The following PTPN9 variants were observed in gnomAD, a reference collection of about 807,000 sequenced individuals.
PTPN9 encodes tyrosine-protein phosphatase non-receptor type 9.
In PTPN9, 26 loss-of-function variants were observed where a neutral mutation model predicts 69.8. That is an observed-to-expected ratio of 0.37 (90% confidence interval 0.27 to 0.52). The LOEUF is 0.52. Among genes scored for constraint, PTPN9 ranks in the 20% least tolerant of loss-of-function variants. The pLI is 0.91. For synonymous variants in PTPN9, 274 were observed against 272.5 expected (o/e 1.01, Z -0.05); for missense variants, 549 against 740.3 (o/e 0.74, Z 3.00).
chr15:75,571,356 T>C (rs998448465), intron 1 of PTPN9, among the ~76,000 whole-genome samples: 1 of 152,130 alleles, frequency 6.6e-6, no homozygotes, highest in African/African-American at 2.4e-5. Context: ...TCTACATGCA[T>C]CTCCTTATTA....
chr15:75,526,913 G>A (rs116545247), intron 2 of PTPN9, among the ~76,000 whole-genome samples: 2,726 of 152,250 alleles, frequency 0.018, 81 homozygotes, highest in African/African-American at 0.063. Flanking sequence ...CCTGGTCTAC[G>A]ATCAAAACTT....
At chr15:75,547,970 C>A (rs2141333723) in intron 1 of PTPN9, among the ~76,000 whole-genome samples, 1 of 151,772 alleles carries the variant, frequency 6.6e-6, no homozygotes, top group South Asian at 2.1e-4. Flanking sequence ...CTGGCCCCTA[C>A]TGGGTACAGA....
In PTPN9 at chr15:75,475,599, C is replaced by A. The variant is rs551710560; in HGVS notation, c.1130-1832G>T. ...AGACTCCATCTCAAGAAAAAAAAAACGTAACAACTCAAGATAATTCCTTAT... is the reference window on the plus strand; with the variant it reads ...AGACTCCATCTCAAGAAAAAAAAAAAGTAACAACTCAAGATAATTCCTTAT... On this transcript the variant is annotated intron_variant, in intron 9 of 12. Transcript: ENST00000618819. Among the ~76,000 whole-genome samples, 518 of 151,852 alleles carry A rather than the reference C, an allele frequency of 3.4e-3. 2 individuals are homozygous for A. Among genetic ancestry groups the A allele is most frequent in the Non-Finnish European group, 4.7e-3 (317 of 67,916 alleles).
chr15:75,569,526 G>A (rs1321893376), intron 1 of PTPN9, among the ~76,000 whole-genome samples: 1 of 151,846 alleles, frequency 6.6e-6, no homozygotes, highest in Non-Finnish European at 1.5e-5. Flanking sequence ...CCAATAAGCT[G>A]AAACCCCATC....
intron 1 of PTPN9, among the ~76,000 whole-genome samples, chr15:75,537,637 C>T (rs2074989161): frequency 6.7e-6 from 1 of 148,844 alleles, no homozygotes; most frequent in Admixed American, 6.7e-5. Context: ...CACCTGTAGT[C>T]CCAGCTACTC....
At chr15:75,534,998 C>T (rs573415300) in intron 1 of PTPN9, among the ~76,000 whole-genome samples, 1 of 151,544 alleles carries the variant, frequency 6.6e-6, no homozygotes, top group Non-Finnish European at 1.5e-5. Context: ...CAACTGAAAA[C>T]GATTTTTTTT....
At chr15:75,503,872 C>T (rs1595955085) in intron 7 of PTPN9, among the ~76,000 whole-genome samples, 1 of 118,070 alleles carries the variant, frequency 8.5e-6, no homozygotes, top group African/African-American at 3.3e-5. Flanking sequence ...GTCAGCCCTC[C>T]GCCCGGCCAG....
intron 7 of PTPN9, among the ~76,000 whole-genome samples, chr15:75,498,340 A>G (rs1359618065): frequency 6.6e-6 from 1 of 152,092 alleles, no homozygotes; most frequent in African/African-American, 2.4e-5. Context: ...TGGAAAGGAC[A>G]AAATTAGAGA....
At chr15:75,561,177 C>T (rs1360515458) in intron 1 of PTPN9, among the ~76,000 whole-genome samples, 7 of 149,050 alleles carry the variant, frequency 4.7e-5, no homozygotes, top group Non-Finnish European at 7.4e-5. Flanking sequence ...TAGCCCGGCA[C>T]GGTGGCGCAT....
Position 75,530,744 on chromosome 15 carries a change from A to C in PTPN9, c.64-3483T>G, listed in dbSNP as rs1451883438. 4.3e-5 allele frequency among the ~76,000 whole-genome samples: 3 copies of C among 69,368 alleles called. 1 individual carries two copies. Among genetic ancestry groups the C allele is most frequent in the African/African-American group, 1.8e-4 (3 of 16,738 alleles). 45.5% of individuals were successfully genotyped at this position (69,368 alleles called of 152,430 possible). A position where few individuals can be genotyped will look rare whatever the true frequency, so the allele number is the denominator to read the frequency against. On this transcript the variant is annotated intron_variant, in intron 1 of 12. Coordinates refer to ENST00000618819, the MANE Select transcript of PTPN9 (RefSeq NM_002833.4). ...TATATATAATATATATTATTATATA[A>C]TATATATAATATAATATATTATTAT...
At chr15:75,499,399 CTTTTTTTT>C (rs71440245) in intron 7 of PTPN9, among the ~76,000 whole-genome samples, 4 of 84,536 alleles carry the variant, frequency 4.7e-5, no homozygotes, top group African/African-American at 1.0e-4. Flanking sequence ...TCTAAACCCA[CTTTTTTTT>C]TTTTTTTTTT....
chr15:75,526,516 T>C (rs1266670597), intron 2 of PTPN9, among the ~76,000 whole-genome samples: 4 of 152,068 alleles, frequency 2.6e-5, no homozygotes, highest in Non-Finnish European at 5.9e-5. Flanking sequence ...TGCTGTATAG[T>C]GTTTTATCAA....
intron 1 of PTPN9, among the ~76,000 whole-genome samples, chr15:75,576,443 A>G (rs1160303813): frequency 2.0e-5 from 3 of 151,364 alleles, no homozygotes; most frequent in Admixed American, 2.0e-4. Context: ...GAGGCAGGAG[A>G]ATCGCTTGAA....
At chr15:75,481,945 G>C (rs1304711697) in intron 8 of PTPN9, among the ~76,000 whole-genome samples, 1 of 145,082 alleles carries the variant, frequency 6.9e-6, no homozygotes, top group Admixed American at 6.9e-5. Context: ...CCACCACCCC[G>C]TCTGGGAGGT....
intron 5 of PTPN9, among the ~76,000 whole-genome samples, chr15:75,516,600 C>A (rs760350410): frequency 4.0e-5 from 6 of 151,638 alleles, no homozygotes; most frequent in Non-Finnish European, 7.4e-5. Context: ...GTGTAAGCCA[C>A]CATGCCTGGC....
intron 7 of PTPN9, among the ~76,000 whole-genome samples, chr15:75,501,155 G>C (rs1374252096): frequency 6.6e-6 from 1 of 151,518 alleles, no homozygotes; most frequent in Non-Finnish European, 1.5e-5. Flanking sequence ...TTCCCTCTTT[G>C]CTTTGCTAAA....
At chr15:75,478,746 A>G (rs2074611195) in intron 9 of PTPN9, among the ~76,000 whole-genome samples, 1 of 152,214 alleles carries the variant, frequency 6.6e-6, no homozygotes, top group Non-Finnish European at 1.5e-5. Flanking sequence ...GGTGATATTC[A>G]TTTCTCAATG....
At chr15:75,484,633 A>T (rs1420544408) in intron 8 of PTPN9, among the ~76,000 whole-genome samples, 1 of 152,240 alleles carries the variant, frequency 6.6e-6, no homozygotes, top group Non-Finnish European at 1.5e-5. Flanking sequence ...TTTATGTTAT[A>T]GTATAACTAG....
chr15:75,518,408 G>C (rs909021172), intron 4 of PTPN9, among the ~76,000 whole-genome samples: 1 of 148,652 alleles, frequency 6.7e-6, no homozygotes, highest in Middle Eastern at 3.5e-3. Context: ...CAGCTGGATC[G>C]CTTGAACCCA....
Sources: gnomAD v4.1 joint callset for allele counts (sites outside exome capture counted in the v4.1 genomes callset) on GRCh38, gnomAD v4.1.1 for gene constraint, MANE v1.5 for transcripts, NCBI Gene and HGNC (gene_info 2026-07-23, HGNC 2026-07-21) for gene names.